HERC1: variants seen among roughly 807,000 people sequenced by gnomAD.
HERC1 encodes HECT and RLD domain containing E3 ubiquitin protein ligase family member 1.
HERC1 carries 160 observed loss-of-function variants against 554.3 expected under a neutral mutation model. The observed-to-expected ratio is 0.29, with a 90% CI of 0.25 to 0.33. The LOEUF is 0.33. HERC1 is among the 10% of genes least tolerant of loss of function. HERC1 has a pLI of 1.00. For synonymous variants in HERC1, 2,175 were observed against 2,131.7 expected (o/e 1.02, Z -0.56); for missense variants, 4,919 against 5,918.5 (o/e 0.83, Z 5.54).
At chr15:63,768,755 T>G (rs1363456943) in intron 2 of HERC1, among the ~76,000 whole-genome samples, 1 of 152,188 alleles carries the variant, frequency 6.6e-6, no homozygotes, top group African/African-American at 2.4e-5. Flanking sequence ...AAATCTAGGC[T>G]CCATCCCTTA....
intron 2 of HERC1, among the ~76,000 whole-genome samples, chr15:63,771,878 T>C (rs1338345410): frequency 6.6e-6 from 1 of 152,070 alleles, no homozygotes; most frequent in Admixed American, 6.6e-5. Context: ...GAAAGAAAAC[T>C]GGAAATCCAG....
In HERC1 at chr15:63,749,564, A is replaced by G; in HGVS notation, c.2048-26T>C. The G allele has an allele frequency of 6.3e-7, 1 of 1,577,916 alleles. No individual in the cohort carries two copies. The highest frequency in any genetic ancestry group is 1.2e-5 in the South Asian group (1 of 85,712). ...CTAAAAACAAAATATAAAGTATTAT[A>G]TAAAAGAAAAGCCAAATTCAAATGT... On this transcript the variant is annotated intron_variant, in intron 9 of 77. Transcript: ENST00000443617. The surrounding 1 kb of genome is among the most constrained non-coding windows in gnomAD (Gnocchi z 4.1).
intron 1 of HERC1, among the ~76,000 whole-genome samples, chr15:63,823,671 ATT>A (rs1263557320): frequency 6.6e-6 from 1 of 152,218 alleles, no homozygotes; most frequent in Non-Finnish European, 1.5e-5. Flanking sequence ...AGAAAAGTTA[ATT>A]ATTTACATAT....
chr15:63,663,754 T>C (rs2070475525), intron 43 of HERC1, among the ~76,000 whole-genome samples: 1 of 152,202 alleles, frequency 6.6e-6, no homozygotes, highest in African/African-American at 2.4e-5. Flanking sequence ...GCCACTGATA[T>C]AATGTTAATC....
At chr15:63,747,676 G>A (rs774419158) in intron 11 of HERC1, 48 bp downstream of exon 11, 86 of 1,069,096 alleles carry the variant, frequency 8.0e-5, no homozygotes, top group African/African-American at 5.7e-4. Context: ...ATGCACACAC[G>A]CGCGCGCACA....
intron 69 of HERC1, among the ~76,000 whole-genome samples, chr15:63,629,604 C>T (rs1255365279): frequency 6.6e-6 from 1 of 152,196 alleles, no homozygotes; most frequent in Admixed American, 6.5e-5. Flanking sequence ...GGAAGGATCA[C>T]GTCACGGCAC....
chr15:63,831,079 G>A (rs1029891037), intron 1 of HERC1, among the ~76,000 whole-genome samples: 23 of 152,190 alleles, frequency 1.5e-4, no homozygotes, highest in African/African-American at 5.3e-4. Flanking sequence ...TTAAGCCAAA[G>A]TTGTGTAGAC....
chr15:63,694,192 C>T lies in HERC1; in HGVS notation c.5481-35G>A, dbSNP rs2072278079. The stretch of plus-strand genomic sequence containing the variant: ...ATAAAAGAAAAAAATAAGTGGCAAA[C>T]ACACAGAAGGGCAAGCATAGTGCTT... On this transcript the variant is annotated intron_variant, in intron 29 of 77. Coordinates refer to ENST00000443617, the MANE Select transcript of HERC1 (RefSeq NM_003922.4). The surrounding 1 kb of genome is among the most constrained non-coding windows in gnomAD (Gnocchi z 4.3). 1 of 1,567,664 alleles carries T rather than the reference C, an allele frequency of 6.4e-7. No individual in the cohort carries two copies. Among genetic ancestry groups the T allele is most frequent in the African/African-American group, 1.4e-5 (1 of 73,546 alleles).
At chr15:63,711,170 A>T (rs766642782) in intron 24 of HERC1, among the ~76,000 whole-genome samples, 3 of 152,064 alleles carry the variant, frequency 2.0e-5, no homozygotes, top group Non-Finnish European at 2.9e-5. Flanking sequence ...ATAAAAATTT[A>T]AAAAATTAGC....
intron 45 of HERC1, 92 bp from the exon 46 acceptor site, chr15:63,661,117 T>C (rs2070336192): frequency 2.2e-6 from 2 of 898,072 alleles, no homozygotes; most frequent in East Asian, 2.4e-5. Context: ...TAAGAGGTCA[T>C]TAATAAAGCA....
chr15:63,717,032 G>T (rs1252524756), intron 21 of HERC1, among the ~76,000 whole-genome samples: 2 of 152,056 alleles, frequency 1.3e-5, no homozygotes, highest in Non-Finnish European at 2.9e-5. Context: ...TCTAGACAAA[G>T]AAAAGAATCC....
intron 18 of HERC1, 84 bp from the exon 19 acceptor site, chr15:63,723,439 T>G (rs2073905215): frequency 1.0e-6 from 1 of 953,644 alleles, no homozygotes; most frequent in African/African-American, 1.7e-5. Context: ...ATTTAATGAT[T>G]ATGAAATGAT....
chr15:63,725,319 C>T lies in HERC1; in HGVS notation c.3541G>A (p.Gly1181Ser), dbSNP rs1324093486. 16 of 1,613,692 alleles carry T rather than the reference C, an allele frequency of 9.9e-6. No homozygotes were observed. The highest frequency in any genetic ancestry group is 1.4e-5 in the Non-Finnish European group (16 of 1,179,820). Reference protein sequence around the residue: ...YWMKTPLFSDGVEMDTPQLDK... With the variant: ...YWMKTPLFSDSVEMDTPQLDK... The stretch of plus-strand genomic sequence containing the variant: ...AATTGAGGAGTGTCCATTTCTACAC[C>T]GTCACTGAACAGTGGCGTTTTCATC... The change falls in exon 18 of 78, where the codon GGT becomes AGT. Residue 1181 changes from glycine to serine, a missense_variant. Around this residue, in one of 11 missense-constraint regions of HERC1, gnomAD observed 1,121 missense variants for 1,244.0 expected, o/e 0.90. Transcript: ENST00000443617.
At chr15:63,823,228 C>T (rs768936089) in intron 1 of HERC1, among the ~76,000 whole-genome samples, 4 of 152,090 alleles carry the variant, frequency 2.6e-5, no homozygotes, top group Non-Finnish European at 4.4e-5. Flanking sequence ...TCATTTAGCT[C>T]CCACGTATAA....
chr15:63,638,586 A>G (rs2068889802), intron 62 of HERC1, 50 bp from the exon 63 acceptor site: 1 of 1,612,854 alleles, frequency 6.2e-7, no homozygotes, highest in Non-Finnish European at 8.5e-7. Context: ...TCACTCAAAC[A>G]GCCATGTACT....
intron 57 of HERC1, among the ~76,000 whole-genome samples, chr15:63,643,920 T>C (rs2069193976): frequency 6.6e-6 from 1 of 152,252 alleles, no homozygotes; most frequent in South Asian, 2.1e-4. Context: ...CCCTAACATT[T>C]GTGAACTGCA....
rs994118419 is a variant in HERC1, at chr15:63,727,593, A to G, written c.3346+54T>C. 6 of 1,345,688 alleles carry G rather than the reference A, an allele frequency of 4.5e-6. No homozygotes were observed. The highest frequency in any genetic ancestry group is 6.2e-6 in the Non-Finnish European group (6 of 965,662). 83.4% of individuals were successfully genotyped at this position (1,345,688 alleles called of 1,614,324 possible). ...ATGGAAAAACACAGTGATGTGTGCA[A>G]GAGGAACAACTTTTCTCAAAGGCAT... On this transcript the variant is annotated intron_variant, in intron 17 of 77. Transcript: ENST00000443617. The surrounding 1 kb of genome is among the most constrained non-coding windows in gnomAD (Gnocchi z 4.3).
chr15:63,666,082 G>T lies in HERC1; in HGVS notation c.8392C>A (p.His2798Asn). ...GACTGGGGCTCCTCTTCATCCTCAT[G>T]CCCAGGGTGCTCTATCATCCACATG... ...LAMWMIEHPG[H>N]EDEEEPQSGS... The change falls in exon 42 of 78, where the codon CAT (histidine) becomes AAT (asparagine). Residue 2798 changes from histidine to asparagine, a missense_variant. By Grantham distance (68) the His-to-Asn change is moderately conservative. Transcript: ENST00000443617. 1 of 1,613,956 alleles carries T rather than the reference G, an allele frequency of 6.2e-7. No individual in the cohort carries two copies. The highest frequency in any genetic ancestry group is 8.5e-7 in the Non-Finnish European group (1 of 1,179,882).
In HERC1 at chr15:63,634,773, G is replaced by A; in HGVS notation, c.12530C>T (p.Pro4177Leu). Reference protein sequence around the residue: ...GLGNTSNKKLPERVTALEGYQ... With the variant: ...GLGNTSNKKLLERVTALEGYQ... Reference sequence around the variant, plus strand: ...TCCCTCCAGTGCAGTCACTCTCTCTGGAAGTTTTTTGTTAGAGGTATTTCC... The same window carrying A: ...TCCCTCCAGTGCAGTCACTCTCTCTAGAAGTTTTTTGTTAGAGGTATTTCC... Residue 4177 changes from proline (P) to leucine (L), a missense_variant, in exon 66 of 78, where the codon CCA becomes CTA. Pro to Leu is a moderately conservative substitution (Grantham distance 98). Transcript: ENST00000443617. 1 of 1,613,252 alleles carries A rather than the reference G, an allele frequency of 6.2e-7. No homozygotes were observed. The highest frequency in any genetic ancestry group is 8.5e-7 in the Non-Finnish European group (1 of 1,179,492).
Sources: gnomAD v4.1 joint callset for allele counts (sites outside exome capture counted in the v4.1 genomes callset) on GRCh38, gnomAD v4.1.1 for gene constraint, gnomAD v4.1.1 regional missense constraint, Gnocchi (gnomAD v3.1) non-coding constraint, MANE v1.5 for transcripts, NCBI Gene and HGNC (gene_info 2026-07-23, HGNC 2026-07-21) for gene names.